Variants in MAML2 observed in about 807,000 individuals in gnomAD.
The protein encoded by MAML2 is mastermind like transcriptional coactivator 2, also known as mastermind-like protein 2.
MAML2 carries 22 observed loss-of-function variants against 96.1 expected under a neutral mutation model. That is an observed-to-expected ratio of 0.23 (90% confidence interval 0.16 to 0.33). The LOEUF is 0.33. Among genes scored for constraint, MAML2 ranks in the 10% least tolerant of loss-of-function variants. The pLI, the probability that MAML2 is intolerant of heterozygous loss-of-function variation, is 1.00. For missense variants in MAML2, 1,367 were observed against 1,392.4 expected, an observed-to-expected ratio of 0.98 and a Z score of 0.29; for synonymous variants, 561 against 521.3, an observed-to-expected ratio of 1.08 and a Z score of -1.04.
intron 2 of MAML2, among the ~76,000 whole-genome samples, chr11:96,060,216 G>A (rs1458652892): frequency 1.3e-5 from 2 of 152,200 alleles, no homozygotes; most frequent in African/African-American, 4.8e-5. Flanking sequence ...CTAAAGAAAT[G>A]TATGATTAAA....
chr11:96,021,851 G>T (rs1858441209), intron 2 of MAML2, among the ~76,000 whole-genome samples: 1 of 152,252 alleles, frequency 6.6e-6, no homozygotes, highest in Non-Finnish European at 1.5e-5. Flanking sequence ...ACTGAGGGAT[G>T]CCATGTCCTG....
chr11:96,083,068 C>T (rs1859552752), intron 2 of MAML2, among the ~76,000 whole-genome samples: 1 of 152,150 alleles, frequency 6.6e-6, no homozygotes, highest in Non-Finnish European at 1.5e-5. Flanking sequence ...TCAATGTTGG[C>T]CTCTGAGAAG....
chr11:96,105,698 T>C (rs1433539659), intron 1 of MAML2, among the ~76,000 whole-genome samples: 2 of 152,230 alleles, frequency 1.3e-5, no homozygotes, highest in African/African-American at 4.8e-5. Flanking sequence ...GTGTTTTCTC[T>C]GGGCTAATGT....
At chr11:96,073,271 C>T (rs540383999) in intron 2 of MAML2, among the ~76,000 whole-genome samples, 1 of 151,810 alleles carries the variant, frequency 6.6e-6, no homozygotes, top group Non-Finnish European at 1.5e-5. Flanking sequence ...GACACCTCCT[C>T]CATTTAAAAA....
intron 1 of MAML2, among the ~76,000 whole-genome samples, chr11:96,250,799 C>T (rs369236101): frequency 1.3e-5 from 2 of 152,166 alleles, no homozygotes; most frequent in Admixed American, 6.5e-5. Context: ...CAATTAAATA[C>T]GACTTGATTC....
At chr11:96,311,710 A>G (rs892849715) in intron 1 of MAML2, among the ~76,000 whole-genome samples, 1 of 152,232 alleles carries the variant, frequency 6.6e-6, no homozygotes, top group African/African-American at 2.4e-5. Context: ...ACTTTGTTAT[A>G]ATAGGGAGAA....
intron 1 of MAML2, among the ~76,000 whole-genome samples, chr11:96,108,193 C>T (rs566026032): frequency 2.6e-5 from 4 of 152,246 alleles, no homozygotes; most frequent in South Asian, 4.2e-4. Context: ...ATTTATGAAA[C>T]ACCCAGTTCG....
At chr11:96,256,525 C>T (rs921461732) in intron 1 of MAML2, among the ~76,000 whole-genome samples, 14 of 152,160 alleles carry the variant, frequency 9.2e-5, no homozygotes, top group African/African-American at 3.4e-4. Flanking sequence ...TTAAATGGAA[C>T]CTAAATATTT....
chr11:95,983,047 A>C (rs1034136041), intron 4 of MAML2, among the ~76,000 whole-genome samples: 2 of 152,122 alleles, frequency 1.3e-5, no homozygotes, highest in Non-Finnish European at 2.9e-5. Context: ...CCTTCTACTT[A>C]TACAAAAAGT....
At chr11:96,289,980 G>C (rs930794522) in intron 1 of MAML2, among the ~76,000 whole-genome samples, 3 of 152,156 alleles carry the variant, frequency 2.0e-5, no homozygotes, top group Admixed American at 2.0e-4. Flanking sequence ...GGGCCTTAGA[G>C]ATCCTCTAAG....
chr11:96,016,810 G>A lies in MAML2; in HGVS notation c.2140-25087C>T, dbSNP rs12577597. Among the ~76,000 whole-genome samples, 1,303 of 152,140 alleles carry A rather than the reference G, an allele frequency of 8.6e-3. 17 individuals carry two copies. Among genetic ancestry groups the A allele is most frequent in the East Asian group, 0.048 (248 of 5,180 alleles). ...TAAACTTTCAATTTAGAGTGCTTTC[G>A]GATTGTGTTCTAATCTGAGACTTTT... On this transcript the variant is annotated intron_variant, in intron 2 of 4. Coordinates refer to ENST00000524717, the MANE Select transcript of MAML2 (RefSeq NM_032427.4).
chr11:96,277,581 G>A (rs912536644), intron 1 of MAML2, among the ~76,000 whole-genome samples: 1 of 151,690 alleles, frequency 6.6e-6, no homozygotes, highest in South Asian at 2.1e-4. Context: ...GTGAAACACC[G>A]TCTCTGCTAA....
intron 1 of MAML2, among the ~76,000 whole-genome samples, chr11:96,113,116 T>C (rs540112881): frequency 2.2e-4 from 32 of 146,588 alleles, no homozygotes; most frequent in Non-Finnish European, 4.0e-4. Context: ...AGAAAATAGA[T>C]GGGAAGGAGG....
intron 2 of MAML2, among the ~76,000 whole-genome samples, chr11:96,067,809 T>C (rs548162815): frequency 3.4e-4 from 52 of 152,366 alleles, no homozygotes; most frequent in South Asian, 8.3e-4. Context: ...ATATTACTTA[T>C]ACATTCCCAA....
chr11:96,246,678 GACAA>G (rs1862516315), intron 1 of MAML2, among the ~76,000 whole-genome samples: 1 of 152,274 alleles, frequency 6.6e-6, no homozygotes, highest in Admixed American at 6.5e-5. Flanking sequence ...ATTATTTGGT[GACAA>G]ACAATGAACT....
intron 1 of MAML2, among the ~76,000 whole-genome samples, chr11:96,141,191 C>T (rs1328782500): frequency 6.6e-6 from 1 of 152,066 alleles, no homozygotes; most frequent in Non-Finnish European, 1.5e-5. Context: ...GAGTGCAGCA[C>T]ATTTTTAGTA....
At chr11:96,272,874 C>T (rs151111336) in intron 1 of MAML2, among the ~76,000 whole-genome samples, 37 of 152,322 alleles carry the variant, frequency 2.4e-4, no homozygotes, top group African/African-American at 7.9e-4. Context: ...CCACCCTACA[C>T]CTTTCTGTTT....
chr11:96,026,294 T>C (rs1005438510), intron 2 of MAML2, among the ~76,000 whole-genome samples: 1 of 152,210 alleles, frequency 6.6e-6, no homozygotes, highest in East Asian at 1.9e-4. Context: ...AAAATATAAG[T>C]GGGCTCTCAT....
chr11:96,220,086 T>C lies in MAML2; in HGVS notation c.513+121297A>G, dbSNP rs12293174. On this transcript the variant is annotated intron_variant, in intron 1 of 4. Transcript: ENST00000524717. ...GATCTTTATATTAATATTACTATCT[T>C]CTTTTAATCTCCCACAGTGTCCATG... Among the ~76,000 whole-genome samples the C allele has an allele frequency of 5.9e-3, 893 of 152,318 alleles. 6 individuals are homozygous for C. Among genetic ancestry groups the C allele is most frequent in the African/African-American group, 0.02 (846 of 41,566 alleles).
Sources: gnomAD v4.1 joint callset for allele counts (sites outside exome capture counted in the v4.1 genomes callset) on GRCh38, gnomAD v4.1.1 for gene constraint, MANE v1.5 for transcripts, NCBI Gene and HGNC (gene_info 2026-07-23, HGNC 2026-07-21) for gene names.